SFXN5: variants seen among roughly 807,000 people sequenced by gnomAD.
SFXN5 encodes sideroflexin-5.
In SFXN5, 43 loss-of-function variants were observed where a neutral mutation model predicts 50.2. The observed-to-expected ratio is 0.86, with a 90% CI of 0.67 to 1.11. SFXN5 has a LOEUF of 1.11. SFXN5 is among the 50% of genes least tolerant of loss of function. The pLI is 0.00. For missense variants in SFXN5, 463 were observed against 454.1 expected (o/e 1.02, Z -0.18); for synonymous variants, 203 against 185.8 (o/e 1.09, Z -0.75).
rs984041863 is a variant in SFXN5, at chr2:72,943,778, G to A, written c.*1244C>T. 2 of 152,684 alleles carry A rather than the reference G, an allele frequency of 1.3e-5. No homozygotes were observed. Among genetic ancestry groups the A allele is most frequent in the Admixed American group, 6.5e-5 (1 of 15,290 alleles). 9.5% of individuals were successfully genotyped at this position (152,684 alleles called of 1,614,324 possible). ...AGGGGCCTGCCCCCTTCCCAGTCCA[G>A]AGTCCACACTGGGGACATGCCCAGG... On this transcript the variant is annotated 3_prime_UTR_variant, in exon 14 of 14. Coordinates refer to ENST00000272433, the MANE Select transcript of SFXN5 (RefSeq NM_144579.3).
At chr2:73,021,652 C>A (rs961108993) in intron 5 of SFXN5, among the ~76,000 whole-genome samples, 1 of 152,148 alleles carries the variant, frequency 6.6e-6, no homozygotes, top group African/African-American at 2.4e-5. Context: ...GGGGTGGCGA[C>A]CCTGAGGGAC....
chr2:72,968,943 C>T (rs188500934), intron 11 of SFXN5, among the ~76,000 whole-genome samples: 4 of 152,156 alleles, frequency 2.6e-5, no homozygotes, highest in African/African-American at 9.6e-5. Flanking sequence ...GCTGGGATTA[C>T]AGGTGCGCAC....
At chr2:73,006,918 G>C (rs1046455645) in intron 6 of SFXN5, among the ~76,000 whole-genome samples, 6 of 152,224 alleles carry the variant, frequency 3.9e-5, no homozygotes, top group African/African-American at 1.2e-4. Flanking sequence ...GTTTGTGCTT[G>C]AGCCTAGTCT....
intron 2 of SFXN5, among the ~76,000 whole-genome samples, chr2:73,050,065 A>G (rs1284062394): frequency 6.6e-6 from 1 of 151,764 alleles, no homozygotes; most frequent in Non-Finnish European, 1.5e-5. Flanking sequence ...CTTTGATTCC[A>G]TGTCCTGCCT....
chr2:72,998,373 C>G (rs1019204132), intron 9 of SFXN5: 1 of 152,816 alleles, frequency 6.5e-6, no homozygotes, highest in Non-Finnish European at 1.5e-5. Flanking sequence ...CGTACCCTCA[C>G]GCTCAGTCTC....
chr2:73,027,298 T>C (rs1423326610), intron 3 of SFXN5, among the ~76,000 whole-genome samples: 1 of 152,218 alleles, frequency 6.6e-6, no homozygotes, highest in Non-Finnish European at 1.5e-5. Flanking sequence ...TTAGAAAGTT[T>C]TTTAAAAAAG....
Position 73,041,135 on chromosome 2 carries a change from G to A in SFXN5, c.172-204C>T, listed in dbSNP as rs183342694. ...TTTAAAAAATGAAGTAGAGCTACATGTGCTTCCATGGTCATCTCCCCAAGA... is the reference window on the plus strand; with the variant it reads ...TTTAAAAAATGAAGTAGAGCTACATATGCTTCCATGGTCATCTCCCCAAGA... On this transcript the variant is annotated intron_variant, in intron 2 of 13. Transcript: ENST00000272433. Among the ~76,000 whole-genome samples the A allele has an allele frequency of 2.6e-5, 4 of 152,324 alleles. No individual in the cohort carries two copies. The East Asian group carries it at 7.7e-4, about 29-fold the overall frequency.
chr2:73,004,096 A>G lies in SFXN5; in HGVS notation c.358-2518T>C, dbSNP rs140193465. Among the ~76,000 whole-genome samples, 60 of 152,338 alleles carry G rather than the reference A, an allele frequency of 3.9e-4. 1 individual carries two copies. The highest frequency in any genetic ancestry group is 3.1e-3 in the Admixed American group (47 of 15,298). On this transcript the variant is annotated intron_variant, in intron 6 of 13. Coordinates refer to ENST00000272433, the MANE Select transcript of SFXN5 (RefSeq NM_144579.3). ...CTTAGAGAAATTCAGTAATCTGTCC[A>G]TAGCTTCATAGCAAGCTAGAGAATC...
rs781471672 is a variant in SFXN5, at chr2:72,971,647, C to G, written c.664G>C (p.Gly222Arg). 6.2e-7 allele frequency: 1 copy of G among 1,614,050 alleles called. No homozygotes were observed. Among genetic ancestry groups the G allele is most frequent in the South Asian group, 1.1e-5 (1 of 91,082 alleles). Residue 222 changes from glycine (G) to arginine (R), a missense_variant, in exon 11 of 14, where the codon GGG becomes CGG. Gly to Arg is a moderately radical substitution (Grantham distance 125). Coordinates refer to ENST00000272433, the MANE Select transcript of SFXN5 (RefSeq NM_144579.3). ...NICNVVLMRY[G>R]ELEEGIDVLD... ...ACATCAATCCCTTCCTCCAGCTCCC[C>G]GTACCGCATCAGGACCACATTGCAG...
chr2:73,027,622 T>C (rs1337124189), intron 3 of SFXN5, among the ~76,000 whole-genome samples: 3 of 152,202 alleles, frequency 2.0e-5, no homozygotes, highest in Non-Finnish European at 4.4e-5. Context: ...GCAAGCTCCA[T>C]TGATGGTAAG....
intron 2 of SFXN5, among the ~76,000 whole-genome samples, chr2:73,046,871 CT>C (rs947968658): frequency 6.9e-4 from 102 of 147,198 alleles, no homozygotes; most frequent in African/African-American, 2.1e-3. Context: ...TTATTTTTTC[CT>C]TTTTTTTTTC....
rs143740468 is a variant in SFXN5, at chr2:73,062,841, G to A, written c.103-4245C>T. 3.9e-5 allele frequency among the ~76,000 whole-genome samples: 6 copies of A among 152,294 alleles called. No individual in the cohort carries two copies. The East Asian group carries it at 1.2e-3, about 29-fold the overall frequency. Reference sequence around the variant, plus strand: ...GTGTCCCAGAGGAGCTGGGACCAAGGGATGGATGAGTTTACCTAGCAGAGG... The same window carrying A: ...GTGTCCCAGAGGAGCTGGGACCAAGAGATGGATGAGTTTACCTAGCAGAGG... On this transcript the variant is annotated intron_variant, in intron 1 of 13. Coordinates refer to ENST00000272433, the MANE Select transcript of SFXN5 (RefSeq NM_144579.3).
At position 72,982,365 on chromosome 2, in the gene SFXN5, A is replaced by G. The variant is rs557702802; in HGVS notation, c.625+5893T>C. 3.9e-5 allele frequency among the ~76,000 whole-genome samples: 6 copies of G among 152,338 alleles called. No individual in the cohort carries two copies. The South Asian group carries it at 1.2e-3, about 32-fold the overall frequency. On this transcript the variant is annotated intron_variant, in intron 10 of 13. Coordinates refer to ENST00000272433, the MANE Select transcript of SFXN5 (RefSeq NM_144579.3). ...ACAGAGCACTCCAAAACAACTTTAAAAAGTGGAAAAGGTCCAGAATAAATG... is the reference window on the plus strand; with the variant it reads ...ACAGAGCACTCCAAAACAACTTTAAGAAGTGGAAAAGGTCCAGAATAAATG...
intron 6 of SFXN5, among the ~76,000 whole-genome samples, chr2:73,015,171 T>C (rs1675996490): frequency 6.6e-6 from 1 of 152,200 alleles, no homozygotes; most frequent in Non-Finnish European, 1.5e-5. Context: ...TTACCGTAAA[T>C]TGAGTTATGT....
chr2:72,946,183 C>T (rs544358259), intron 13 of SFXN5, among the ~76,000 whole-genome samples: 54 of 152,008 alleles, frequency 3.6e-4, no homozygotes, highest in Non-Finnish European at 6.3e-4. Flanking sequence ...CACCTTTGCC[C>T]GTTAGTGTTC....
At chr2:73,019,974 CA>C in intron 6 of SFXN5, 1 of 411,574 alleles carries the variant, frequency 2.4e-6, no homozygotes, top group Non-Finnish European at 4.3e-6. Flanking sequence ...CTAATGACAA[CA>C]GTGGGGACAG....
rs1671835968 is a variant in SFXN5 at position 72,945,469 on chromosome 2, C to T, written c.946-370G>A. Among the ~76,000 whole-genome samples, 2 of 152,020 alleles carry T rather than the reference C, an allele frequency of 1.3e-5. No homozygotes were observed. The highest frequency in any genetic ancestry group is 4.1e-4 in the South Asian group (2 of 4,824). On this transcript the variant is annotated intron_variant, in intron 13 of 13. Transcript: ENST00000272433. The surrounding 1 kb of genome is among the most constrained non-coding windows in gnomAD (Gnocchi z 5.8). ...GGCCATTCCCTGGACCTGATGACCA[C>T]CCAGGGCTGCTCCACCTCAACTCCT...
Position 72,967,841 on chromosome 2 carries a change from C to T in SFXN5, c.827+607G>A, listed in dbSNP as rs570123108. On this transcript the variant is annotated intron_variant, in intron 12 of 13. Coordinates refer to ENST00000272433, the MANE Select transcript of SFXN5 (RefSeq NM_144579.3). ...GAGTTTCAGTCCGCCCCTTCAGTTT[C>T]GCACTCATTCATTAATAGAATCACT... Among the ~76,000 whole-genome samples the T allele has an allele frequency of 1.2e-4, 18 of 152,316 alleles. 1 individual carries two copies. The highest frequency in any genetic ancestry group is 3.8e-4 in the African/African-American group (16 of 41,568).
chr2:72,971,431 G>T, intron 11 of SFXN5, 139 bp downstream of exon 11: 1 of 596,218 alleles, frequency 1.7e-6, no homozygotes, highest in Non-Finnish European at 3.0e-6. Context: ...ATTGGAGGTG[G>T]GGGTGGGGTG....
Sources: allele counts gnomAD v4.1 joint callset (sites outside exome capture counted in the v4.1 genomes callset), GRCh38; gene constraint gnomAD v4.1.1; non-coding constraint Gnocchi (gnomAD v3.1); transcripts MANE v1.5; gene names NCBI Gene and HGNC (gene_info 2026-07-23, HGNC 2026-07-21).